PCDHA2: variants seen among roughly 807,000 people sequenced by gnomAD.
PCDHA2 encodes the protein protocadherin alpha 2.
PCDHA2 carries 58 observed loss-of-function variants against 66.0 expected under a neutral mutation model. The observed-to-expected ratio is 0.88, with a 90% CI of 0.71 to 1.09. The LOEUF is 1.09. Among genes scored for constraint, PCDHA2 ranks in the 50% least tolerant of loss-of-function variants. The probability of loss-of-function intolerance (pLI) is 0.00; values close to 1 mark genes in which losing one functional copy is unlikely to be tolerated. For synonymous variants in PCDHA2, 634 were observed against 554.0 expected (o/e 1.14, Z -2.03); for missense variants, 1,267 against 1,242.3 (o/e 1.02, Z -0.30).
intron 1 of PCDHA2, among the ~76,000 whole-genome samples, chr5:140,837,977 C>T (rs1377931639): frequency 6.6e-6 from 1 of 151,682 alleles, no homozygotes; most frequent in Non-Finnish European, 1.5e-5. Flanking sequence ...CCACACCCAG[C>T]CTGCCTTTCA....
At chr5:140,806,815 C>T in intron 1 of PCDHA2, 1 of 223,488 alleles carries the variant, frequency 4.5e-6, no homozygotes, top group Non-Finnish European at 8.9e-6. Flanking sequence ...GTAAAAGTTG[C>T]CCCTATGGCG....
intron 1 of PCDHA2, chr5:140,803,124 C>G (rs142727818): frequency 1.2e-6 from 2 of 1,613,836 alleles, no homozygotes; most frequent in Non-Finnish European, 1.7e-6. Flanking sequence ...GGTGGACGCC[C>G]CGCGCCATCG....
chr5:140,868,183 T>A (rs1286748964), intron 1 of PCDHA2: 2 of 152,160 alleles, frequency 1.3e-5, no homozygotes, highest in African/African-American at 4.8e-5. Flanking sequence ...TCTCATATTA[T>A]GCTACTATGG....
chr5:140,843,045 G>A (rs1219663342), intron 1 of PCDHA2: 1 of 1,594,956 alleles, frequency 6.3e-7, no homozygotes, highest in Non-Finnish European at 8.6e-7. Flanking sequence ...GGCACTGGTG[G>A]CGCAGCGAGC....
intron 1 of PCDHA2, among the ~76,000 whole-genome samples, chr5:140,950,799 G>C (rs1218789077): frequency 5.3e-5 from 8 of 151,796 alleles, no homozygotes; most frequent in African/African-American, 1.7e-4. Flanking sequence ...ATATTGTCTG[G>C]TTTTACCATA....
intron 1 of PCDHA2, among the ~76,000 whole-genome samples, chr5:140,895,800 T>C (rs1352398048): frequency 6.6e-6 from 1 of 152,182 alleles, no homozygotes; most frequent in Non-Finnish European, 1.5e-5. Context: ...ATATGTACAA[T>C]ACTGTATTGT....
intron 1 of PCDHA2, chr5:140,823,873 A>G: frequency 6.2e-7 from 1 of 1,613,808 alleles, no homozygotes; most frequent in Non-Finnish European, 8.5e-7. Flanking sequence ...CGTGTACCTG[A>G]TCATCGCCAT....
chr5:140,850,695 C>T lies in PCDHA2; in HGVS notation c.2388+53343C>T, dbSNP rs2150494737. 6 of 1,598,304 alleles carry T rather than the reference C, an allele frequency of 3.8e-6. No homozygotes were observed. The South Asian group carries it at 5.5e-5, about 15-fold the overall frequency. On this transcript the variant is annotated intron_variant, in intron 1 of 3. Transcript: ENST00000526136. Reference sequence around the variant, plus strand: ...GATGCCCACCGAGGGCGAGTGCGCGCCTGGCAAGCCGACGCTGGTGTGTTC... The same window carrying T: ...GATGCCCACCGAGGGCGAGTGCGCGTCTGGCAAGCCGACGCTGGTGTGTTC...
rs369107883 is a variant in PCDHA2 at position 140,795,040 on chromosome 5, G to A, written c.76G>A (p.Val26Met). ...GCTTCTGCTCCTCGCAGCCTGGGAGGTGGGGAGCGGCCAGCTCCGCTACTC... is the reference window on the plus strand; with the variant it reads ...GCTTCTGCTCCTCGCAGCCTGGGAGATGGGGAGCGGCCAGCTCCGCTACTC... The part of the protein sequence containing the change: ...LSLLLLAAWE[V>M]GSGQLRYSVP... The change falls in exon 1 of 4, where the codon GTG becomes ATG. Residue 26 changes from valine (V) to methionine (M), a missense_variant. Transcript: ENST00000526136. The A allele has an allele frequency of 1.3e-5, 21 of 1,613,758 alleles. No homozygotes were observed. Among genetic ancestry groups the A allele is most frequent in the Non-Finnish European group, 1.7e-5 (20 of 1,180,010 alleles).
At chr5:140,940,636 C>A (rs1554213535) in intron 1 of PCDHA2, among the ~76,000 whole-genome samples, 1 of 152,106 alleles carries the variant, frequency 6.6e-6, no homozygotes. Flanking sequence ...TTAAGCTTGT[C>A]ATTTATTTAT....
chr5:140,835,702 G>T, intron 1 of PCDHA2: 1 of 1,613,922 alleles, frequency 6.2e-7, no homozygotes, highest in South Asian at 1.1e-5. Context: ...GCCACTGCTA[G>T]CGTGTCCGTG....
intron 1 of PCDHA2, among the ~76,000 whole-genome samples, chr5:140,977,624 T>C (rs139722248): frequency 6.6e-6 from 1 of 152,088 alleles, no homozygotes. Flanking sequence ...TATCCCAGAG[T>C]TGTAACTTTT....
intron 1 of PCDHA2, among the ~76,000 whole-genome samples, chr5:140,909,076 G>A (rs556959550): frequency 3.3e-5 from 5 of 152,294 alleles, no homozygotes; most frequent in African/African-American, 7.2e-5. Context: ...TAAGCCCAGT[G>A]TGTTTGCTAC....
intron 1 of PCDHA2, chr5:140,821,541 T>C (rs1554128117): frequency 4.1e-6 from 2 of 484,252 alleles, no homozygotes; most frequent in African/African-American, 1.9e-5. Flanking sequence ...ACACTTACCC[T>C]TTCATCCACA....
chr5:140,929,179 G>T (rs782673786), intron 1 of PCDHA2: 5 of 1,614,104 alleles, frequency 3.1e-6, no homozygotes, highest in Non-Finnish European at 4.2e-6. Context: ...TCTGGGACTT[G>T]GTTCTGATAA....
At chr5:141,006,372 C>T (rs781874533) in intron 3 of PCDHA2, among the ~76,000 whole-genome samples, 10 of 151,926 alleles carry the variant, frequency 6.6e-5, no homozygotes, top group Non-Finnish European at 1.0e-4. Context: ...CCACCACGCC[C>T]GGCTAAGTTT....
At chr5:140,882,332 G>T (rs782439110) in intron 1 of PCDHA2, 20 of 1,614,060 alleles carry the variant, frequency 1.2e-5, no homozygotes, top group Non-Finnish European at 1.7e-5. Flanking sequence ...TCTGATCCTC[G>T]CAGCCTGGGA....
intron 1 of PCDHA2, chr5:140,862,689 C>A: frequency 7.2e-6 from 4 of 554,298 alleles, no homozygotes; most frequent in South Asian, 4.1e-5. Context: ...TGGTGTCCTA[C>A]TCGTTGATGG....
rs373714901 is a variant in PCDHA2, at chr5:140,898,150, G to T, written c.2389-80799G>T. 6.9e-3 allele frequency among the ~76,000 whole-genome samples: 1,047 copies of T among 152,166 alleles called. 8 individuals are homozygous for T. The highest frequency in any genetic ancestry group is 0.024 in the African/African-American group (1,013 of 41,482). ...CCCATTTTGTAGGTTGCCTGTTCAC[G>T]CTGATGGTGGTTTCTTTTGCTGTGC... On this transcript the variant is annotated intron_variant, in intron 1 of 3. Transcript: ENST00000526136.
Sources: gnomAD v4.1 joint callset for allele counts (sites outside exome capture counted in the v4.1 genomes callset) on GRCh38, gnomAD v4.1.1 for gene constraint, MANE v1.5 for transcripts, NCBI Gene and HGNC (gene_info 2026-07-23, HGNC 2026-07-21) for gene names.